CSMD1: variants seen among roughly 807,000 people sequenced by gnomAD.
CSMD1 encodes the protein CUB and sushi domain-containing protein 1.
A neutral mutation model predicts 417.5 loss-of-function variants in CSMD1; 213 were observed. The ratio of observed to expected loss-of-function variants is 0.51; its 90% CI spans 0.46 to 0.57. The LOEUF is 0.57. Among genes scored for constraint, CSMD1 ranks in the 20% least tolerant of loss-of-function variants. The probability of loss-of-function intolerance (pLI) is 0.00; values close to 1 mark genes in which losing one functional copy is unlikely to be tolerated. For missense variants in CSMD1, 6,923 were observed against 4,529.7 expected (o/e 1.53, Z -15.17); for synonymous variants, 2,862 against 1,736.8 (o/e 1.65, Z -16.11).
intron 50 of CSMD1, among the ~76,000 whole-genome samples, chr8:3,037,978 T>G (rs1367598926): frequency 1.3e-5 from 2 of 152,238 alleles, no homozygotes; most frequent in African/African-American, 4.8e-5. Flanking sequence ...TTTCCATTTG[T>G]GAAGCTTCTA....
chr8:3,474,593 G>C (rs76593353), intron 11 of CSMD1, among the ~76,000 whole-genome samples: 1 of 151,966 alleles, frequency 6.6e-6, no homozygotes, highest in Non-Finnish European at 1.5e-5. Context: ...GCAGAAGTTT[G>C]GTCTTGCTTT....
intron 25 of CSMD1, chr8:3,284,554 C>A: frequency 1.8e-6 from 1 of 568,234 alleles, no homozygotes; most frequent in Non-Finnish European, 3.2e-6. Flanking sequence ...CACAGGACCT[C>A]AGTCTGTCAT....
At chr8:4,612,457 C>A (rs114601485) in intron 2 of CSMD1, among the ~76,000 whole-genome samples, 2 of 152,166 alleles carry the variant, frequency 1.3e-5, no homozygotes, top group Non-Finnish European at 2.9e-5. Flanking sequence ...CTACCTGTGT[C>A]CTTCTCAAGA....
chr8:3,781,763 G>A lies in CSMD1; in HGVS notation c.819-27721C>T, dbSNP rs575899407. On this transcript the variant is annotated intron_variant, in intron 5 of 69. Transcript: ENST00000635120. ...CCCTGACAATCTGATAGAGACAACAGAGGGCTTAGAAATGCTGAATAAATG... is the reference window on the plus strand; with the variant it reads ...CCCTGACAATCTGATAGAGACAACAAAGGGCTTAGAAATGCTGAATAAATG... Among the ~76,000 whole-genome samples, 48 of 152,300 alleles carry A rather than the reference G, an allele frequency of 3.2e-4. No individual in the cohort carries two copies. The South Asian group carries it at 6.6e-3, about 21-fold the overall frequency.
At position 4,911,510 on chromosome 8, in the gene CSMD1, C is replaced by T. The variant is rs371008448; in HGVS notation, c.85+82822G>A. 1.6e-4 allele frequency among the ~76,000 whole-genome samples: 24 copies of T among 152,132 alleles called. No homozygotes were observed. In the East Asian group the frequency reaches 3.9e-3, roughly 25 times the overall value. ...CTATACCTCAATGTCATTAACATTC[C>T]TTAATAATTTTCCTTAATCCCAAGT... On this transcript the variant is annotated intron_variant, in intron 1 of 69. Coordinates refer to ENST00000635120, the MANE Select transcript of CSMD1 (RefSeq NM_033225.6).
chr8:3,339,252 C>G (rs1260720115), intron 23 of CSMD1, among the ~76,000 whole-genome samples: 1 of 151,992 alleles, frequency 6.6e-6, no homozygotes, highest in Non-Finnish European at 1.5e-5. Context: ...TTTGGAATGT[C>G]GTTTATACCC....
intron 10 of CSMD1, among the ~76,000 whole-genome samples, chr8:3,495,361 A>C (rs2117312788): frequency 6.6e-6 from 1 of 152,262 alleles, no homozygotes; most frequent in Non-Finnish European, 1.5e-5. Flanking sequence ...AGCGATGATA[A>C]TTCATTAAGG....
At chr8:3,744,141 C>G (rs925202004) in intron 6 of CSMD1, among the ~76,000 whole-genome samples, 4 of 152,168 alleles carry the variant, frequency 2.6e-5, no homozygotes, top group African/African-American at 7.2e-5. Context: ...TGAGACTTGT[C>G]TCGTCACTTT....
chr8:3,117,632 T>C (rs948548605), intron 42 of CSMD1, among the ~76,000 whole-genome samples: 1 of 152,202 alleles, frequency 6.6e-6, no homozygotes, highest in Admixed American at 6.5e-5. Flanking sequence ...ATCTATTTAT[T>C]TTAATTAGAT....
intron 10 of CSMD1, among the ~76,000 whole-genome samples, chr8:3,533,073 T>A (rs1396839492): frequency 1.3e-5 from 2 of 152,214 alleles, no homozygotes; most frequent in Non-Finnish European, 2.9e-5. Flanking sequence ...AGCTCGTAAT[T>A]CATCCAATGT....
rs116953123 is a variant in CSMD1 at position 3,996,115 on chromosome 8, C to G, written c.818+1788G>C. Among the ~76,000 whole-genome samples, 300 of 152,292 alleles carry G rather than the reference C, an allele frequency of 2.0e-3. 1 individual carries two copies. The highest frequency in any genetic ancestry group is 3.4e-3 in the Non-Finnish European group (232 of 68,016). On this transcript the variant is annotated intron_variant, in intron 5 of 69. Transcript: ENST00000635120. ...CATGATCTGTATTTTCTGACACAAA[C>G]TAAGTTTCTTTGGCAAAAGCTGCCA... is the stretch of plus-strand genomic sequence containing the variant.
chr8:3,768,371 A>G (rs1798398551), intron 5 of CSMD1, among the ~76,000 whole-genome samples: 1 of 152,148 alleles, frequency 6.6e-6, no homozygotes, highest in Non-Finnish European at 1.5e-5. Context: ...AATTCCAAAC[A>G]CCCAGCCTTT....
At chr8:2,968,370 T>G (rs752942256) in intron 57 of CSMD1, among the ~76,000 whole-genome samples, 1 of 152,232 alleles carries the variant, frequency 6.6e-6, no homozygotes, top group African/African-American at 2.4e-5. Context: ...TGCTATTCAA[T>G]TGTATGTCTA....
chr8:3,002,514 C>G (rs1449999686), intron 52 of CSMD1, among the ~76,000 whole-genome samples: 1 of 152,164 alleles, frequency 6.6e-6, no homozygotes, highest in African/African-American at 2.4e-5. Flanking sequence ...ACTTCTGAAG[C>G]CTGGAACCAC....
At chr8:3,934,504 G>C (rs939657580) in intron 5 of CSMD1, among the ~76,000 whole-genome samples, 2 of 152,114 alleles carry the variant, frequency 1.3e-5, no homozygotes, top group Non-Finnish European at 2.9e-5. Context: ...TTGAAGGAAA[G>C]GTAATGAGGC....
At position 3,954,464 on chromosome 8, in the gene CSMD1, T is replaced by G. The variant is rs576889232; in HGVS notation, c.818+43439A>C. Among the ~76,000 whole-genome samples, 51 of 152,300 alleles carry G rather than the reference T, an allele frequency of 3.3e-4. 1 individual carries two copies. Among genetic ancestry groups the G allele is most frequent in the Admixed American group, 2.5e-3 (38 of 15,302 alleles). ...TCACTGCAACCTCCTCCTCCCGGGT[T>G]CAGGCGATTCTGCTGCCTCAGCTTC... On this transcript the variant is annotated intron_variant, in intron 5 of 69. Transcript: ENST00000635120.
At chr8:3,260,842 T>C (rs1261573235) in intron 26 of CSMD1, among the ~76,000 whole-genome samples, 1 of 149,838 alleles carries the variant, frequency 6.7e-6, no homozygotes, top group Non-Finnish European at 1.5e-5. Flanking sequence ...AAAGACCCTG[T>C]GAAGAGGATG....
At chr8:3,299,249 C>G (rs113951275) in intron 25 of CSMD1, among the ~76,000 whole-genome samples, 154 of 152,058 alleles carry the variant, frequency 1.0e-3, no homozygotes, top group African/African-American at 3.4e-3. Context: ...GTCAGGAGTT[C>G]GAGACCAGCC....
intron 3 of CSMD1, among the ~76,000 whole-genome samples, chr8:4,400,913 A>G (rs1275273334): frequency 6.6e-6 from 1 of 151,876 alleles, no homozygotes; most frequent in African/African-American, 2.4e-5. Flanking sequence ...TATTGCAATG[A>G]CTCAGTACAA....
Sources: allele counts gnomAD v4.1 joint callset (sites outside exome capture counted in the v4.1 genomes callset), GRCh38; gene constraint gnomAD v4.1.1; transcripts MANE v1.5; gene names NCBI Gene and HGNC (gene_info 2026-07-23, HGNC 2026-07-21).